Variants in CNTN1 observed in about 807,000 individuals in gnomAD.
CNTN1 encodes contactin-1.
A neutral mutation model predicts 126.4 loss-of-function variants in CNTN1; 38 were observed. The observed-to-expected ratio is 0.30, with a 90% CI of 0.23 to 0.39. CNTN1 has a LOEUF of 0.39. CNTN1 is among the 10% of genes least tolerant of loss of function. The pLI is 1.00. For missense variants in CNTN1, 1,009 were observed against 1,248.4 expected (o/e 0.81, Z 2.89); for synonymous variants, 413 against 422.6 (o/e 0.98, Z 0.28).
chr12:40,972,646 T>G, intron 15 of CNTN1: 1 of 950,260 alleles, frequency 1.1e-6, no homozygotes, highest in East Asian at 1.2e-4. Flanking sequence ...ATTTCCTTCT[T>G]TTATATTTTC....
chr12:41,028,553 G>A (rs903813491), intron 22 of CNTN1, among the ~76,000 whole-genome samples: 2 of 152,092 alleles, frequency 1.3e-5, no homozygotes, highest in African/African-American at 4.8e-5. Flanking sequence ...ATTATGATAG[G>A]GTTGCCCAGC....
intron 17 of CNTN1, chr12:41,004,972 A>C (rs1156527202): frequency 6.6e-6 from 1 of 152,180 alleles, no homozygotes; most frequent in African/African-American, 2.4e-5. Flanking sequence ...CACTGTCATT[A>C]TGACGTTAGC....
intron 1 of CNTN1, among the ~76,000 whole-genome samples, chr12:40,712,712 T>A (rs1285407882): frequency 6.6e-6 from 1 of 152,186 alleles, no homozygotes; most frequent in African/African-American, 2.4e-5. Context: ...AATAGCTGAT[T>A]GATATAACTC....
chr12:40,871,638 G>A (rs1943498338), intron 1 of CNTN1, among the ~76,000 whole-genome samples: 1 of 152,098 alleles, frequency 6.6e-6, no homozygotes, highest in African/African-American at 2.4e-5. Context: ...AAGAGACAGA[G>A]GAAGAGGTAA....
intron 1 of CNTN1, among the ~76,000 whole-genome samples, chr12:40,813,038 C>CTTTCTTTCTTTCTTTTT (rs1211719482): frequency 4.7e-5 from 4 of 84,950 alleles, no homozygotes; most frequent in Non-Finnish European, 7.5e-5. Context: ...CTCTTTCTTT[C>CTTTCTTTCTTTCTTTTT]CTTTCTTTCT....
intron 11 of CNTN1, 31 bp downstream of exon 11, chr12:40,937,718 T>C (rs757322166): frequency 1.6e-5 from 20 of 1,240,436 alleles, no homozygotes; most frequent in Non-Finnish European, 1.2e-6. Flanking sequence ...CTGTTAAACA[T>C]TGTTAAAGCA....
At chr12:40,982,742 A>G (rs774166710) in intron 16 of CNTN1, among the ~76,000 whole-genome samples, 29 of 152,150 alleles carry the variant, frequency 1.9e-4, no homozygotes, top group Admixed American at 1.2e-3. Flanking sequence ...ATTATAGTAG[A>G]AGAGATGCCA....
Position 40,707,227 on chromosome 12 carries a change from C to CTTTTTT in CNTN1, c.-77+14669_-77+14674dup, listed in dbSNP as rs370984371. The stretch of plus-strand genomic sequence containing the variant: ...TTCCTCTTTCATTTCTTTTCTTTTT[C>CTTTTTT]TTTTTTTTTTTTTTTTTTTTTTTTT... On this transcript the variant is annotated intron_variant, in intron 1 of 23. Coordinates refer to ENST00000551295, the MANE Select transcript of CNTN1 (RefSeq NM_001843.4). Among the ~76,000 whole-genome samples, 171 of 109,122 alleles carry CTTTTTT rather than the reference C, an allele frequency of 1.6e-3. 11 individuals carry two copies. Among genetic ancestry groups the CTTTTTT allele is most frequent in the Non-Finnish European group, 1.9e-3 (105 of 55,708 alleles). The allele number at this position is 109,122 out of a possible 152,430, so 71.6% of individuals were successfully genotyped here. A position where few individuals can be genotyped will look rare whatever the true frequency, so the allele number is the denominator to read the frequency against.
At chr12:40,964,667 G>C (rs938445792) in intron 15 of CNTN1, among the ~76,000 whole-genome samples, 2 of 151,744 alleles carry the variant, frequency 1.3e-5, no homozygotes, top group Non-Finnish European at 2.9e-5. Flanking sequence ...GGTTTTTATT[G>C]CTTAGCCTAA....
At chr12:40,709,224 G>A (rs1034448360) in intron 1 of CNTN1, among the ~76,000 whole-genome samples, 1 of 152,144 alleles carries the variant, frequency 6.6e-6, no homozygotes, top group African/African-American at 2.4e-5. Flanking sequence ...ATCTCCCCCA[G>A]TGCTCTTGGG....
intron 12 of CNTN1, among the ~76,000 whole-genome samples, chr12:40,939,783 G>A (rs1326407990): frequency 6.6e-6 from 1 of 151,972 alleles, no homozygotes; most frequent in Non-Finnish European, 1.5e-5. Context: ...AATAAACAAT[G>A]GGAAATAAAG....
intron 1 of CNTN1, among the ~76,000 whole-genome samples, chr12:40,816,592 A>T (rs1442226625): frequency 6.6e-6 from 1 of 151,806 alleles, no homozygotes; most frequent in East Asian, 1.9e-4. Flanking sequence ...TCAAAAAAAC[A>T]TCCCCTGAAT....
intron 15 of CNTN1, among the ~76,000 whole-genome samples, chr12:40,967,286 A>T (rs987080789): frequency 3.3e-5 from 5 of 151,866 alleles, no homozygotes; most frequent in Admixed American, 3.3e-4. Flanking sequence ...TTCGAGACCA[A>T]CCTGACCAAT....
intron 14 of CNTN1, among the ~76,000 whole-genome samples, chr12:40,953,972 C>A (rs1392644169): frequency 6.6e-6 from 1 of 152,022 alleles, no homozygotes; most frequent in African/African-American, 2.4e-5. Context: ...ATATTACTTT[C>A]TGCCCTCAAT....
chr12:40,856,691 G>GT (rs1942920730), intron 1 of CNTN1, among the ~76,000 whole-genome samples: 2 of 152,136 alleles, frequency 1.3e-5, no homozygotes, highest in African/African-American at 4.8e-5. Context: ...ACAGAGGAAT[G>GT]TATGTGTAGT....
At chr12:40,901,732 G>T (rs1944614817) in intron 1 of CNTN1, among the ~76,000 whole-genome samples, 1 of 152,164 alleles carries the variant, frequency 6.6e-6, no homozygotes, top group South Asian at 2.1e-4. Context: ...GACAATGGAA[G>T]GATACTGTTT....
chr12:40,853,972 A>C (rs1031147110), intron 1 of CNTN1, among the ~76,000 whole-genome samples: 2 of 150,594 alleles, frequency 1.3e-5, no homozygotes, highest in East Asian at 3.9e-4. Context: ...CAAATTTATA[A>C]TAATTTTCCA....
chr12:40,878,577 C>T (rs540552763), intron 1 of CNTN1, among the ~76,000 whole-genome samples: 6 of 152,142 alleles, frequency 3.9e-5, no homozygotes, highest in South Asian at 2.1e-4. Context: ...AAATCACCTA[C>T]GCAAGATCTT....
chr12:40,785,493 A>C (rs1279935675), intron 1 of CNTN1, among the ~76,000 whole-genome samples: 1 of 152,134 alleles, frequency 6.6e-6, no homozygotes, highest in African/African-American at 2.4e-5. Flanking sequence ...GGGCGGGCTG[A>C]GTCCAAAAAG....
Sources: gnomAD v4.1 joint callset for allele counts (sites outside exome capture counted in the v4.1 genomes callset) on GRCh38, gnomAD v4.1.1 for gene constraint, MANE v1.5 for transcripts, NCBI Gene and HGNC (gene_info 2026-07-23, HGNC 2026-07-21) for gene names.